The following APP variants were observed in gnomAD, a reference collection of about 807,000 sequenced individuals.
APP encodes amyloid-beta precursor protein.
Under a neutral mutation model 101.4 loss-of-function variants are expected in APP, and 31 were observed. The ratio of observed to expected loss-of-function variants is 0.31; its 90% CI spans 0.23 to 0.41. The LOEUF is 0.41. APP is among the 10% of genes least tolerant of loss of function. APP has a pLI of 1.00. For synonymous variants in APP, 366 were observed against 364.4 expected (o/e 1.00, Z -0.05); for missense variants, 839 against 1,003.7 (o/e 0.84, Z 2.22).
At chr21:26,050,048 C>T (rs1377936647) in intron 5 of APP, among the ~76,000 whole-genome samples, 1 of 152,036 alleles carries the variant, frequency 6.6e-6, no homozygotes, top group Non-Finnish European at 1.5e-5. Context: ...ACCCAGTTTG[C>T]CTGGATCCTT....
intron 8 of APP, among the ~76,000 whole-genome samples, chr21:25,990,479 GTTA>G (rs1309179356): frequency 6.6e-6 from 1 of 152,090 alleles, no homozygotes. Context: ...TTAACCTTAG[GTTA>G]TTGTTTTTTG....
At chr21:26,113,833 C>G (rs751572701) in intron 1 of APP, among the ~76,000 whole-genome samples, 2 of 152,190 alleles carry the variant, frequency 1.3e-5, no homozygotes, top group Non-Finnish European at 2.9e-5. Flanking sequence ...AATCGAAATG[C>G]AAATGTTGTC....
intron 8 of APP, among the ~76,000 whole-genome samples, chr21:25,984,827 C>A (rs907510598): frequency 6.6e-6 from 1 of 152,124 alleles, no homozygotes; most frequent in Non-Finnish European, 1.5e-5. Flanking sequence ...CATGTTTAGG[C>A]AAACCATATT....
At position 26,040,185 on chromosome 21, in the gene APP, A is replaced by G. The variant is rs1266539722; in HGVS notation, c.662+10815T>C. ...ATACATTGAACACATAAAGTCACATAATTTTCTACGTTTGCTGTCATGTCA... is the reference window on the plus strand; with the variant it reads ...ATACATTGAACACATAAAGTCACATGATTTTCTACGTTTGCTGTCATGTCA... On this transcript the variant is annotated intron_variant, in intron 5 of 17. Transcript: ENST00000346798. Among the ~76,000 whole-genome samples the G allele has an allele frequency of 2.0e-5, 3 of 152,190 alleles. No individual in the cohort carries two copies. In the East Asian group the frequency reaches 5.8e-4, roughly 29 times the overall value.
chr21:26,166,707 C>T (rs2063617397), intron 1 of APP, among the ~76,000 whole-genome samples: 1 of 152,176 alleles, frequency 6.6e-6, no homozygotes, highest in Non-Finnish European at 1.5e-5. Context: ...TGTGATTTTT[C>T]CCTATCCTCC....
intron 13 of APP, among the ~76,000 whole-genome samples, chr21:25,921,533 A>T (rs1369584617): frequency 6.7e-6 from 1 of 148,580 alleles, no homozygotes; most frequent in African/African-American, 2.5e-5. Context: ...ATAAAAAATG[A>T]TAAAGGGGAT....
intron 17 of APP, among the ~76,000 whole-genome samples, chr21:25,889,613 G>A (rs1236527754): frequency 1.2e-4 from 18 of 152,158 alleles, no homozygotes; most frequent in Non-Finnish European, 2.9e-5. Context: ...GGTTGGGGAG[G>A]GCGGATCACT....
intron 13 of APP, among the ~76,000 whole-genome samples, chr21:25,930,512 A>C (rs187579205): frequency 2.6e-4 from 40 of 152,286 alleles, no homozygotes; most frequent in Admixed American, 2.3e-3. Flanking sequence ...TACATAGTGA[A>C]TTTCATTCAA....
At chr21:26,091,261 G>T (rs186544653) in intron 2 of APP, among the ~76,000 whole-genome samples, 86 of 152,260 alleles carry the variant, frequency 5.6e-4, no homozygotes, top group African/African-American at 1.9e-3. Flanking sequence ...GGTAAAAGGT[G>T]GTAGGGACCA....
chr21:25,908,665 GTC>G (rs1569039723), intron 14 of APP, among the ~76,000 whole-genome samples: 1 of 145,936 alleles, frequency 6.9e-6, no homozygotes, highest in Non-Finnish European at 1.5e-5. Context: ...GGCTGATAAA[GTC>G]TCTCTAATAA....
chr21:25,953,681 A>G (rs2041192036), intron 13 of APP, among the ~76,000 whole-genome samples: 1 of 152,244 alleles, frequency 6.6e-6, no homozygotes. Context: ...ATCGTCATCT[A>G]TGTACCTTTG....
intron 5 of APP, among the ~76,000 whole-genome samples, chr21:26,049,585 A>C (rs1385334627): frequency 6.6e-6 from 1 of 152,218 alleles, no homozygotes; most frequent in East Asian, 1.9e-4. Flanking sequence ...ATTAAGTGGT[A>C]AGGTTACATG....
intron 3 of APP, among the ~76,000 whole-genome samples, chr21:26,065,604 T>C (rs1053228858): frequency 3.3e-5 from 5 of 152,178 alleles, no homozygotes; most frequent in Non-Finnish European, 5.9e-5. Flanking sequence ...TTGAGCCTGA[T>C]GAGGTTTGCA....
chr21:26,134,263 G>A (rs2062851173), intron 1 of APP, among the ~76,000 whole-genome samples: 1 of 152,132 alleles, frequency 6.6e-6, no homozygotes, highest in Non-Finnish European at 1.5e-5. Context: ...TTCTGACACT[G>A]TACTTGGAGA....
chr21:26,094,171 C>A (rs1432550762), intron 2 of APP, among the ~76,000 whole-genome samples: 1 of 151,386 alleles, frequency 6.6e-6, no homozygotes, highest in Non-Finnish European at 1.5e-5. Context: ...TTTTTTCCTA[C>A]TGTCCTATTA....
chr21:25,997,065 T>C (rs1436789323), intron 8 of APP: 1 of 409,556 alleles, frequency 2.4e-6, no homozygotes, highest in Non-Finnish European at 4.4e-6. Flanking sequence ...AAAATAGTAA[T>C]GGCAAATACA....
chr21:25,912,042 GC>G, intron 13 of APP, 80 bp from the exon 14 acceptor site: 2 of 1,131,164 alleles, frequency 1.8e-6, no homozygotes, highest in Non-Finnish European at 2.7e-6. Context: ...ATTTACTTCT[GC>G]CAGGCAAGAC....
chr21:26,089,765 C>A, intron 3 of APP, 178 bp downstream of exon 3: 2 of 825,038 alleles, frequency 2.4e-6, no homozygotes, highest in Non-Finnish European at 3.6e-6. Context: ...CTCAAAAATA[C>A]TGCTCCTATA....
intron 2 of APP, among the ~76,000 whole-genome samples, chr21:26,101,807 C>T (rs1263060856): frequency 6.6e-6 from 1 of 152,100 alleles, no homozygotes; most frequent in African/African-American, 2.4e-5. Context: ...CAGAATAAGA[C>T]CCTCCAATTT....
Sources: gnomAD v4.1 joint callset for allele counts (sites outside exome capture counted in the v4.1 genomes callset) on GRCh38, gnomAD v4.1.1 for gene constraint, MANE v1.5 for transcripts, NCBI Gene and HGNC (gene_info 2026-07-23, HGNC 2026-07-21) for gene names.